The following ABCA13 variants were observed in gnomAD, a reference collection of about 807,000 sequenced individuals.
ABCA13 encodes ATP binding cassette subfamily A member 13, also known as ATP-binding cassette sub-family A member 13.
In ABCA13, 476 loss-of-function variants were observed where a neutral mutation model predicts 478.7. The observed-to-expected ratio is 0.99, with a 90% CI of 0.92 to 1.07. The LOEUF is 1.07. Among genes scored for constraint, ABCA13 ranks in the 50% least tolerant of loss-of-function variants. ABCA13 has a pLI of 0.00. For synonymous variants in ABCA13, 2,252 were observed against 2,158.9 expected (o/e 1.04, Z -1.20); for missense variants, 6,060 against 5,910.6 (o/e 1.03, Z -0.83).
At chr7:48,519,609 T>C (rs564505116) in intron 52 of ABCA13, among the ~76,000 whole-genome samples, 1 of 152,348 alleles carries the variant, frequency 6.6e-6, no homozygotes, top group African/African-American at 2.4e-5. Flanking sequence ...TCATGTTTTC[T>C]AATTTATTTC....
intron 31 of ABCA13, among the ~76,000 whole-genome samples, chr7:48,359,702 C>T (rs1585002070): frequency 6.6e-6 from 1 of 152,054 alleles, no homozygotes; most frequent in East Asian, 1.9e-4. Flanking sequence ...TGCCTCCTCC[C>T]TGCACTTGCC....
In ABCA13 at chr7:48,554,136, G is replaced by A. The variant is rs189290295; in HGVS notation, c.14354+25791G>A. ...CTTTGTCAAAAATGAATTTCCTATG[G>A]GTGTATGGATTTGTTTCTGGGATTT... On this transcript the variant is annotated intron_variant, in intron 55 of 61. Coordinates refer to ENST00000435803, the MANE Select transcript of ABCA13 (RefSeq NM_152701.5). 3.2e-3 allele frequency among the ~76,000 whole-genome samples: 486 copies of A among 151,920 alleles called. 3 individuals are homozygous for A. The highest frequency in any genetic ancestry group is 0.011 in the African/African-American group (459 of 41,490).
At chr7:48,284,954 G>A (rs915881539) in intron 19 of ABCA13, among the ~76,000 whole-genome samples, 1 of 152,144 alleles carries the variant, frequency 6.6e-6, no homozygotes, top group Non-Finnish European at 1.5e-5. Flanking sequence ...TGCTGAAAAT[G>A]CACTATATTT....
intron 41 of ABCA13, among the ~76,000 whole-genome samples, chr7:48,416,268 G>C (rs1261311779): frequency 1.3e-5 from 2 of 152,196 alleles, no homozygotes; most frequent in Non-Finnish European, 2.9e-5. Context: ...TGGCCACAGA[G>C]GCCACCAGTG....
intron 51 of ABCA13, among the ~76,000 whole-genome samples, chr7:48,513,486 A>T (rs973067667): frequency 7.2e-5 from 11 of 152,340 alleles, no homozygotes; most frequent in Admixed American, 2.6e-4. Context: ...AACTTACATA[A>T]AGATGGAAAC....
At chr7:48,609,100 C>G (rs1252526329) in intron 58 of ABCA13, among the ~76,000 whole-genome samples, 3 of 152,090 alleles carry the variant, frequency 2.0e-5, no homozygotes, top group African/African-American at 7.2e-5. Context: ...TCTAGAAACT[C>G]TCTACATTCT....
intron 38 of ABCA13, among the ~76,000 whole-genome samples, chr7:48,393,579 A>G (rs1351318557): frequency 6.6e-6 from 1 of 152,224 alleles, no homozygotes; most frequent in Admixed American, 6.5e-5. Context: ...TCTGCATTTA[A>G]TTAAGGTGAA....
At chr7:48,233,425 A>G (rs945406026) in intron 7 of ABCA13, among the ~76,000 whole-genome samples, 1 of 152,100 alleles carries the variant, frequency 6.6e-6, no homozygotes, top group African/African-American at 2.4e-5. Flanking sequence ...TTCGATTTAT[A>G]TTTTGAATGT....
intron 17 of ABCA13, among the ~76,000 whole-genome samples, chr7:48,277,491 A>G (rs1307584132): frequency 6.6e-6 from 1 of 152,202 alleles, no homozygotes; most frequent in African/African-American, 2.4e-5. Context: ...AAATCTCTTT[A>G]TAGCAACACC....
intron 48 of ABCA13, among the ~76,000 whole-genome samples, chr7:48,499,442 G>A (rs982746914): frequency 6.6e-6 from 1 of 152,182 alleles, no homozygotes; most frequent in Non-Finnish European, 1.5e-5. Context: ...GAACCCGAAA[G>A]TGAGTACTTG....
At chr7:48,407,573 T>G (rs572526269) in intron 39 of ABCA13, among the ~76,000 whole-genome samples, 1 of 152,230 alleles carries the variant, frequency 6.6e-6, no homozygotes, top group Non-Finnish European at 1.5e-5. Flanking sequence ...AACTTTTTTT[T>G]TGAGATGGAG....
In ABCA13 at chr7:48,219,485, T is replaced by C. The variant is rs766462629; in HGVS notation, c.419T>C (p.Val140Ala). Residue 140 changes from valine (V) to alanine (A), a missense_variant, in exon 4 of 62, where the codon GTA (valine) becomes GCA (alanine). Transcript: ENST00000435803. Reference protein sequence around the residue: ...DKAKNLKRLWVERSNTPDSSY... With the variant: ...DKAKNLKRLWAERSNTPDSSY... ...GCAAAAAACTTAAAAAGACTTTGGG[T>C]AGAACGATCCAACACTCCAGGCAAG... 3 of 1,612,084 alleles carry C rather than the reference T, an allele frequency of 1.9e-6. No homozygotes were observed. The highest frequency in any genetic ancestry group is 3.4e-5 in the Admixed American group (2 of 59,666).
chr7:48,212,956 A>T (rs1338226194), intron 3 of ABCA13, among the ~76,000 whole-genome samples: 16 of 152,066 alleles, frequency 1.1e-4, no homozygotes, highest in African/African-American at 3.6e-4. Flanking sequence ...TATTTTGAGT[A>T]GTGCTTTTTG....
At chr7:48,216,900 T>C (rs1015518131) in intron 3 of ABCA13, among the ~76,000 whole-genome samples, 4 of 152,326 alleles carry the variant, frequency 2.6e-5, no homozygotes, top group African/African-American at 9.6e-5. Flanking sequence ...ATGAGCATGA[T>C]ATAGCTCTCC....
In ABCA13 at chr7:48,594,322, A is replaced by AT. The variant is rs201107268; in HGVS notation, c.14641-380dup. Among the ~76,000 whole-genome samples the AT allele has an allele frequency of 7.3e-3, 1,105 of 151,692 alleles. 12 individuals are homozygous for AT. Among genetic ancestry groups the AT allele is most frequent in the African/African-American group, 0.025 (1,024 of 41,400 alleles). On this transcript the variant is annotated intron_variant, in intron 57 of 61. Coordinates refer to ENST00000435803, the MANE Select transcript of ABCA13 (RefSeq NM_152701.5). ...AAATAATCTGCCCTCAAGTTCACAG[A>AT]TTTTTTTTATCTGCTTGATCAAATG...
chr7:48,623,960 T>G (rs1274089604), intron 59 of ABCA13, among the ~76,000 whole-genome samples: 1 of 152,152 alleles, frequency 6.6e-6, no homozygotes, highest in Non-Finnish European at 1.5e-5. Context: ...GCAGCTGAGC[T>G]GAACGGACTC....
At chr7:48,358,735 G>A (rs1470747927) in intron 31 of ABCA13, among the ~76,000 whole-genome samples, 2 of 152,026 alleles carry the variant, frequency 1.3e-5, no homozygotes, top group African/African-American at 4.8e-5. Flanking sequence ...GGGGCGAAAA[G>A]GGAGATACAG....
At chr7:48,629,682 G>T (rs777396340) in intron 59 of ABCA13, among the ~76,000 whole-genome samples, 2 of 151,878 alleles carry the variant, frequency 1.3e-5, no homozygotes, top group Admixed American at 1.3e-4. Flanking sequence ...GGCTGGCCTG[G>T]GCTGGATTTG....
intron 56 of ABCA13, among the ~76,000 whole-genome samples, chr7:48,583,760 A>AAAACTCACCT (rs1788921339): frequency 6.6e-6 from 1 of 152,240 alleles, no homozygotes; most frequent in South Asian, 2.1e-4. Flanking sequence ...TTGCCAACTG[A>AAAACTCACCT]GATTGCTAAG....
Sources: allele counts gnomAD v4.1 joint callset (sites outside exome capture counted in the v4.1 genomes callset), GRCh38; gene constraint gnomAD v4.1.1; transcripts MANE v1.5; gene names NCBI Gene and HGNC (gene_info 2026-07-23, HGNC 2026-07-21).